Variants in ZNF385D observed in about 807,000 individuals in gnomAD.
ZNF385D encodes the protein zinc finger protein 385D.
Under a neutral mutation model 35.8 loss-of-function variants are expected in ZNF385D, and 15 were observed. The observed-to-expected ratio is 0.42, with a 90% CI of 0.28 to 0.64. ZNF385D has a LOEUF of 0.64. Ranked by LOEUF, ZNF385D falls within the 30% of genes least tolerant of loss-of-function variation. ZNF385D has a pLI of 0.23. For synonymous variants in ZNF385D, 212 were observed against 186.8 expected, an observed-to-expected ratio of 1.13 and a Z score of -1.10; for missense variants, 474 against 494.6, an observed-to-expected ratio of 0.96 and a Z score of 0.39.
intron 2 of ZNF385D, among the ~76,000 whole-genome samples, chr3:21,576,863 A>C (rs1301092803): frequency 6.6e-6 from 1 of 152,188 alleles, no homozygotes; most frequent in African/African-American, 2.4e-5. Flanking sequence ...TATACAATAG[A>C]ACATTATTAT....
At chr3:22,302,194 T>C (rs1474094400) in intron 2 of ZNF385D, among the ~76,000 whole-genome samples, 1 of 152,052 alleles carries the variant, frequency 6.6e-6, no homozygotes, top group Non-Finnish European at 1.5e-5. Flanking sequence ...TTGACAAATT[T>C]ATCTCTAAAC....
chr3:21,903,738 A>G (rs1432531346), intron 3 of ZNF385D, among the ~76,000 whole-genome samples: 1 of 152,148 alleles, frequency 6.6e-6, no homozygotes, highest in Non-Finnish European at 1.5e-5. Flanking sequence ...AAAGCAATAG[A>G]AATAATGAAG....
chr3:21,892,849 G>C (rs1247325148), intron 3 of ZNF385D, among the ~76,000 whole-genome samples: 4 of 152,086 alleles, frequency 2.6e-5, no homozygotes, highest in Non-Finnish European at 2.9e-5. Flanking sequence ...GGATTGTAAA[G>C]TCCACTTGTT....
intron 3 of ZNF385D, among the ~76,000 whole-genome samples, chr3:22,096,886 T>A (rs563544763): frequency 1.6e-4 from 24 of 152,200 alleles, no homozygotes; most frequent in African/African-American, 5.3e-4. Context: ...TTGTGACTGA[T>A]TGACCAAAAA....
chr3:21,808,964 G>A (rs2072778298), intron 3 of ZNF385D, among the ~76,000 whole-genome samples: 1 of 152,104 alleles, frequency 6.6e-6, no homozygotes, highest in African/African-American at 2.4e-5. Flanking sequence ...AACCAGGAAG[G>A]GCATGCATTC....
intron 3 of ZNF385D, among the ~76,000 whole-genome samples, chr3:21,524,430 T>G (rs541966007): frequency 1.3e-5 from 2 of 152,340 alleles, no homozygotes; most frequent in Admixed American, 1.3e-4. Flanking sequence ...TATTTCCAAA[T>G]TCTTCACTGG....
intron 1 of ZNF385D, among the ~76,000 whole-genome samples, chr3:21,702,340 T>A (rs7626432): frequency 1.6e-3 from 247 of 152,292 alleles, no homozygotes; most frequent in African/African-American, 5.8e-3. Flanking sequence ...TTGGTCCCTA[T>A]CAGCCATGGC....
chr3:21,540,349 C>T (rs866367691), intron 3 of ZNF385D, among the ~76,000 whole-genome samples: 4 of 152,276 alleles, frequency 2.6e-5, no homozygotes, highest in Middle Eastern at 3.4e-3. Context: ...ATAAAACCAT[C>T]GACAAAAGCC....
In ZNF385D at chr3:21,841,401, C is replaced by T. The variant is rs1463886844; in HGVS notation, c.326-176373G>A. Among the ~76,000 whole-genome samples the T allele has an allele frequency of 2.0e-5, 3 of 151,568 alleles. No homozygotes were observed. In the Admixed American group the frequency reaches 2.0e-4, roughly 10 times the overall value. ...TTTGAATTCTCCTGAGATCAATTCC[C>T]AGAATTGACATTGTTGAATTAAAGA... On this transcript the variant is annotated intron_variant, in intron 3 of 5. Coordinates refer to the ZNF385D transcript ENST00000494108.
chr3:22,154,684 T>G (rs1172917345), intron 3 of ZNF385D, among the ~76,000 whole-genome samples: 1 of 152,166 alleles, frequency 6.6e-6, no homozygotes, highest in African/African-American at 2.4e-5. Flanking sequence ...TTACTTCTGG[T>G]TTTCTCCTAT....
intron 1 of ZNF385D, among the ~76,000 whole-genome samples, chr3:21,706,718 T>C (rs1019303237): frequency 6.6e-6 from 1 of 152,114 alleles, no homozygotes; most frequent in Non-Finnish European, 1.5e-5. Context: ...GCATGCACCA[T>C]GTACATGAAG....
At chr3:21,871,799 A>C (rs9878206) in intron 3 of ZNF385D, among the ~76,000 whole-genome samples, 31,113 of 151,942 alleles carry the variant, frequency 0.2, 3,381 homozygotes, top group East Asian at 0.41. Context: ...TGAGGTCAGG[A>C]GTTTGAGACC....
intron 2 of ZNF385D, among the ~76,000 whole-genome samples, chr3:22,307,320 T>C (rs576625438): frequency 2.6e-4 from 40 of 152,268 alleles, no homozygotes; most frequent in Middle Eastern, 3.4e-3. Flanking sequence ...AATCTTTGAA[T>C]GCCACAATGA....
At chr3:21,961,829 T>A (rs1702613411) in intron 3 of ZNF385D, among the ~76,000 whole-genome samples, 2 of 152,134 alleles carry the variant, frequency 1.3e-5, no homozygotes, top group East Asian at 3.9e-4. Flanking sequence ...GGGGAGCAAC[T>A]CTGAAAGAAG....
chr3:21,838,623 G>A (rs1411387595), intron 3 of ZNF385D, among the ~76,000 whole-genome samples: 3 of 152,112 alleles, frequency 2.0e-5, no homozygotes, highest in Middle Eastern at 3.4e-3. Flanking sequence ...GGAAGGTCAC[G>A]GTTTTTTATG....
Position 21,953,276 on chromosome 3 carries a change from C to G in ZNF385D, c.325+215541G>C, listed in dbSNP as rs574422470. 1.5e-4 allele frequency among the ~76,000 whole-genome samples: 22 copies of G among 150,554 alleles called. No individual in the cohort carries two copies. In the East Asian group the frequency reaches 3.5e-3, roughly 24 times the overall value. On this transcript the variant is annotated intron_variant, in intron 3 of 5. Transcript: ENST00000494108. ...TCAGAATAAAACTTTTTTTTTTTTC[C>G]TCTAAAAAGTTACATCAAGCTCAAT...
chr3:22,343,870 C>T (rs1376385662), intron 2 of ZNF385D, among the ~76,000 whole-genome samples: 1 of 152,032 alleles, frequency 6.6e-6, no homozygotes, highest in Admixed American at 6.5e-5. Context: ...ACCTGGAATG[C>T]TTATTAATTC....
intron 4 of ZNF385D, among the ~76,000 whole-genome samples, chr3:21,473,602 C>T (rs555471193): frequency 6.6e-6 from 1 of 152,196 alleles, no homozygotes; most frequent in East Asian, 1.9e-4. Flanking sequence ...AACCTGTAAT[C>T]AGTTTTAACC....
chr3:21,655,073 A>G (rs1021906684), intron 2 of ZNF385D, among the ~76,000 whole-genome samples: 13 of 152,074 alleles, frequency 8.5e-5, no homozygotes, highest in Admixed American at 4.6e-4. Context: ...GACTCTCAAC[A>G]CTTAAAGGGC....
Sources: allele counts gnomAD v4.1 joint callset (sites outside exome capture counted in the v4.1 genomes callset), GRCh38; gene constraint gnomAD v4.1.1; transcripts MANE v1.5; gene names NCBI Gene and HGNC (gene_info 2026-07-23, HGNC 2026-07-21).